The following SBF2 variants were observed in gnomAD, a reference collection of about 807,000 sequenced individuals.
The protein encoded by SBF2 is SET binding factor 2, also known as myotubularin-related protein 13.
SBF2 carries 112 observed loss-of-function variants against 225.2 expected under a neutral mutation model. The observed-to-expected ratio is 0.50, with a 90% CI of 0.43 to 0.58. The LOEUF (loss-of-function observed/expected upper bound fraction) is 0.58. Ranked by LOEUF, SBF2 falls within the 20% of genes least tolerant of loss-of-function variation. SBF2 has a pLI of 0.00. For missense variants in SBF2, 1,996 were observed against 2,206.2 expected (o/e 0.90, Z 1.91); for synonymous variants, 763 against 773.3 (o/e 0.99, Z 0.22).
chr11:9,874,073 G>C (rs1010838565), intron 17 of SBF2, among the ~76,000 whole-genome samples: 6 of 151,370 alleles, frequency 4.0e-5, no homozygotes, highest in Admixed American at 3.9e-4. Flanking sequence ...AAAAAAAAGA[G>C]CATATTTCTT....
chr11:10,043,347 T>C (rs1014018549), intron 2 of SBF2, among the ~76,000 whole-genome samples: 1 of 152,038 alleles, frequency 6.6e-6, no homozygotes, highest in Non-Finnish European at 1.5e-5. Flanking sequence ...TGAGGGAAAA[T>C]AGAATTATTT....
At chr11:10,267,695 C>G (rs1373964138) in intron 1 of SBF2, among the ~76,000 whole-genome samples, 3 of 152,000 alleles carry the variant, frequency 2.0e-5, no homozygotes, top group Non-Finnish European at 4.4e-5. Context: ...GTCCAGATGG[C>G]TATACAAACC....
At chr11:10,255,347 C>T (rs942796324) in intron 1 of SBF2, among the ~76,000 whole-genome samples, 2 of 152,000 alleles carry the variant, frequency 1.3e-5, no homozygotes, top group African/African-American at 4.8e-5. Flanking sequence ...GATAAACACA[C>T]ATAAATTTTA....
At chr11:9,847,603 A>G (rs1268330608) in intron 22 of SBF2, among the ~76,000 whole-genome samples, 2 of 152,144 alleles carry the variant, frequency 1.3e-5, no homozygotes, top group African/African-American at 2.4e-5. Context: ...ATAGGTTTTT[A>G]AAGTTTGTTT....
At chr11:10,107,234 T>C (rs576274658) in intron 2 of SBF2, among the ~76,000 whole-genome samples, 167 of 152,302 alleles carry the variant, frequency 1.1e-3, no homozygotes, top group African/African-American at 3.6e-3. Context: ...GTAACTTAAT[T>C]TATAATAGCC....
At chr11:10,250,578 TG>T (rs1261382067) in intron 1 of SBF2, among the ~76,000 whole-genome samples, 2 of 152,348 alleles carry the variant, frequency 1.3e-5, no homozygotes, top group Non-Finnish European at 2.9e-5. Context: ...GGCTACCTGA[TG>T]GGTCATTTAA....
intron 2 of SBF2, among the ~76,000 whole-genome samples, chr11:10,076,511 G>A (rs1363789998): frequency 6.6e-6 from 1 of 152,230 alleles, no homozygotes; most frequent in African/African-American, 2.4e-5. Flanking sequence ...CCCGTTTGCA[G>A]CATGGGACCA....
In SBF2 at chr11:9,976,750, TC is replaced by T. The variant is rs778864742; in HGVS notation, c.1396-8206del. Among the ~76,000 whole-genome samples the T allele has an allele frequency of 2.9e-5, 4 of 139,270 alleles. No homozygotes were observed. In the East Asian group the frequency reaches 6.1e-4, roughly 21 times the overall value. 91.4% of individuals were successfully genotyped at this position (139,270 alleles called of 152,430 possible). On this transcript the variant is annotated intron_variant, in intron 13 of 39. Transcript: ENST00000256190. The stretch of plus-strand genomic sequence containing the variant: ...AAACACATGTCCAACTGATTTCTTT[TC>T]TTTTTTTTTGTTGTTGTTGTTTTTT...
At chr11:10,130,876 A>C (rs1209840668) in intron 2 of SBF2, among the ~76,000 whole-genome samples, 1 of 152,052 alleles carries the variant, frequency 6.6e-6, no homozygotes, top group Non-Finnish European at 1.5e-5. Flanking sequence ...TCAATAGTTC[A>C]TTACTTTATA....
At chr11:10,293,539 G>C (rs141487306) in intron 1 of SBF2, among the ~76,000 whole-genome samples, 98 of 152,302 alleles carry the variant, frequency 6.4e-4, no homozygotes, top group African/African-American at 2.3e-3. Context: ...ACAGCACAGG[G>C]GTGAGTTAGC....
At chr11:9,805,986 T>C (rs879276046) in intron 32 of SBF2, among the ~76,000 whole-genome samples, 2 of 152,202 alleles carry the variant, frequency 1.3e-5, no homozygotes, top group Admixed American at 6.5e-5. Context: ...GTCTTTCAAA[T>C]TCTCATATAT....
intron 1 of SBF2, among the ~76,000 whole-genome samples, chr11:10,269,249 C>T (rs765729519): frequency 1.3e-5 from 2 of 152,204 alleles, no homozygotes; most frequent in Non-Finnish European, 2.9e-5. Flanking sequence ...CTCAGAGACT[C>T]TCTAAACACA....
chr11:9,847,288 C>T (rs1856616578), intron 22 of SBF2, among the ~76,000 whole-genome samples: 1 of 152,048 alleles, frequency 6.6e-6, no homozygotes, highest in Non-Finnish European at 1.5e-5. Flanking sequence ...ACAACTAGCA[C>T]AGGAAGCAGT....
chr11:10,141,949 A>C (rs903715845), intron 2 of SBF2, among the ~76,000 whole-genome samples: 1 of 152,314 alleles, frequency 6.6e-6, no homozygotes, highest in East Asian at 1.9e-4. Context: ...AGTAAAAGCT[A>C]TCCATCCTCT....
chr11:10,028,345 G>T (rs919398522), intron 6 of SBF2, 107 bp downstream of exon 6: 18 of 767,904 alleles, frequency 2.3e-5, no homozygotes, highest in Non-Finnish European at 3.5e-5. Context: ...ATATTTAATG[G>T]TTTAAAAAAC....
chr11:9,889,248 T>G (rs1162292561), intron 17 of SBF2, among the ~76,000 whole-genome samples: 14 of 152,222 alleles, frequency 9.2e-5, no homozygotes, highest in Admixed American at 9.2e-4. Flanking sequence ...CTTTTCTAAC[T>G]GCTTCTCTGA....
chr11:9,885,889 G>GC (rs1007594499), intron 17 of SBF2, among the ~76,000 whole-genome samples: 42 of 152,078 alleles, frequency 2.8e-4, no homozygotes, highest in African/African-American at 6.8e-4. Flanking sequence ...CCGTAGCGTT[G>GC]CCCCCCAATC....
At chr11:10,216,983 C>T (rs987616343) in intron 1 of SBF2, among the ~76,000 whole-genome samples, 6 of 151,966 alleles carry the variant, frequency 3.9e-5, no homozygotes, top group Admixed American at 3.3e-4. Context: ...TTTAAAAAAT[C>T]ATAAATAATA....
At chr11:10,055,109 C>G (rs1950205674) in intron 2 of SBF2, among the ~76,000 whole-genome samples, 1 of 152,066 alleles carries the variant, frequency 6.6e-6, no homozygotes, top group African/African-American at 2.4e-5. Context: ...ACCATGCTGG[C>G]CAGGCTGGTC....
Sources: gnomAD v4.1 joint callset for allele counts (sites outside exome capture counted in the v4.1 genomes callset) on GRCh38, gnomAD v4.1.1 for gene constraint, MANE v1.5 for transcripts, NCBI Gene and HGNC (gene_info 2026-07-23, HGNC 2026-07-21) for gene names.